KCNH8: variants seen among roughly 807,000 people sequenced by gnomAD.
The protein encoded by KCNH8 is potassium voltage-gated channel subfamily H member 8, also known as voltage-gated delayed rectifier potassium channel KCNH8.
KCNH8 carries 70 observed loss-of-function variants against 103.6 expected under a neutral mutation model. The observed-to-expected ratio is 0.68, with a 90% CI of 0.56 to 0.82. The LOEUF (loss-of-function observed/expected upper bound fraction) is 0.82. Ranked by LOEUF, KCNH8 falls within the 40% of genes least tolerant of loss-of-function variation. The pLI, the probability that KCNH8 is intolerant of heterozygous loss-of-function variation, is 0.00. For synonymous variants in KCNH8, 498 were observed against 489.4 expected, an observed-to-expected ratio of 1.02 and a Z score of -0.23; for missense variants, 1,217 against 1,329.9, an observed-to-expected ratio of 0.92 and a Z score of 1.32.
chr3:19,272,484 G>A (rs909378246), intron 2 of KCNH8, among the ~76,000 whole-genome samples: 1 of 152,052 alleles, frequency 6.6e-6, no homozygotes, highest in Non-Finnish European at 1.5e-5. Context: ...CAATGATTGA[G>A]TGAGGCAGGG....
chr3:19,279,108 C>T (rs534769620), intron 2 of KCNH8, among the ~76,000 whole-genome samples: 2 of 152,226 alleles, frequency 1.3e-5, no homozygotes, highest in South Asian at 4.1e-4. Context: ...TTTGTGTCCC[C>T]ACTATTACTT....
intron 13 of KCNH8, among the ~76,000 whole-genome samples, chr3:19,513,718 T>C (rs759706534): frequency 6.6e-6 from 1 of 152,150 alleles, no homozygotes; most frequent in Non-Finnish European, 1.5e-5. Flanking sequence ...GAGTTGAAAT[T>C]AGGAAGAAAA....
chr3:19,504,149 TTGGA>T (rs1409878468), intron 11 of KCNH8, among the ~76,000 whole-genome samples: 9 of 152,186 alleles, frequency 5.9e-5, no homozygotes, highest in South Asian at 4.1e-4. Flanking sequence ...ATGCAGAAGA[TTGGA>T]ACTGGACCCC....
intron 8 of KCNH8, among the ~76,000 whole-genome samples, chr3:19,446,069 CATT>C (rs780672521): frequency 5.9e-5 from 9 of 151,968 alleles, no homozygotes; most frequent in Non-Finnish European, 8.8e-5. Context: ...TACACAGTCT[CATT>C]ATCAAAAAAT....
chr3:19,531,515 G>C (rs2069160681), intron 15 of KCNH8, among the ~76,000 whole-genome samples: 1 of 152,218 alleles, frequency 6.6e-6, no homozygotes, highest in South Asian at 2.1e-4. Flanking sequence ...GCCTGGACAA[G>C]TATTCAGTTG....
At chr3:19,255,791 A>G (rs2064338792) in intron 2 of KCNH8, among the ~76,000 whole-genome samples, 1 of 152,168 alleles carries the variant, frequency 6.6e-6, no homozygotes, top group Non-Finnish European at 1.5e-5. Flanking sequence ...ACAATATTAC[A>G]ATGATGTTTA....
At chr3:19,315,185 G>A (rs2065257394) in intron 3 of KCNH8, among the ~76,000 whole-genome samples, 1 of 151,874 alleles carries the variant, frequency 6.6e-6, no homozygotes, top group East Asian at 1.9e-4. Context: ...CTTGAAACTG[G>A]GGAGTGAAGT....
chr3:19,246,759 T>C (rs2064211902), intron 1 of KCNH8, among the ~76,000 whole-genome samples: 1 of 152,170 alleles, frequency 6.6e-6, no homozygotes, highest in East Asian at 1.9e-4. Flanking sequence ...TCTCAAACTT[T>C]AATGTGTATA....
At position 19,502,548 on chromosome 3, in the gene KCNH8, T is replaced by C. The variant is rs535521436; in HGVS notation, c.2041-7815T>C. Among the ~76,000 whole-genome samples the C allele has an allele frequency of 1.1e-3, 174 of 152,176 alleles. No individual in the cohort carries two copies. The Middle Eastern group carries it at 0.017, about 15-fold the overall frequency. On this transcript the variant is annotated intron_variant, in intron 11 of 15. Transcript: ENST00000328405. ...TACTACAAGGCTACAGTAACCAAAATAGCATGATACTGGTACCAAAACAGA... is the reference window on the plus strand; with the variant it reads ...TACTACAAGGCTACAGTAACCAAAACAGCATGATACTGGTACCAAAACAGA...
intron 3 of KCNH8, among the ~76,000 whole-genome samples, chr3:19,323,124 CCTTT>C (rs1345150313): frequency 6.6e-6 from 1 of 152,000 alleles, no homozygotes; most frequent in South Asian, 2.1e-4. Flanking sequence ...TTGGATTTTA[CCTTT>C]CTTTGGTGCG....
At chr3:19,485,605 C>G (rs2068188927) in intron 11 of KCNH8, among the ~76,000 whole-genome samples, 1 of 152,216 alleles carries the variant, frequency 6.6e-6, no homozygotes, top group South Asian at 2.1e-4. Flanking sequence ...GATCTATCCT[C>G]CTTTTATTAC....
intron 11 of KCNH8, among the ~76,000 whole-genome samples, chr3:19,481,448 T>C (rs930031456): frequency 1.3e-5 from 2 of 152,102 alleles, no homozygotes; most frequent in Admixed American, 6.6e-5. Flanking sequence ...AAGTTCTTCA[T>C]GTTGTGTAAA....
At chr3:19,191,363 T>C (rs955159330) in intron 1 of KCNH8, among the ~76,000 whole-genome samples, 1 of 151,822 alleles carries the variant, frequency 6.6e-6, no homozygotes, top group Non-Finnish European at 1.5e-5. Flanking sequence ...GTTAATATGA[T>C]GAACAAAAAG....
chr3:19,488,415 G>A (rs1351583637), intron 11 of KCNH8, among the ~76,000 whole-genome samples: 1 of 152,114 alleles, frequency 6.6e-6, no homozygotes, highest in Non-Finnish European at 1.5e-5. Flanking sequence ...TCCAGTAATG[G>A]CGAGGTATTC....
At chr3:19,458,249 T>TA (rs1315237802) in intron 11 of KCNH8, among the ~76,000 whole-genome samples, 2 of 151,824 alleles carry the variant, frequency 1.3e-5, no homozygotes, top group African/African-American at 2.4e-5. Flanking sequence ...TCATGTCTTT[T>TA]AAAAAAAATC....
rs149673924 is a variant in KCNH8 at position 19,324,087 on chromosome 3, C to T, written c.443-18500C>T. Among the ~76,000 whole-genome samples the T allele has an allele frequency of 2.0e-4, 30 of 152,138 alleles. No individual in the cohort carries two copies. The East Asian group carries it at 2.5e-3, about 13-fold the overall frequency. On this transcript the variant is annotated intron_variant, in intron 3 of 15. Coordinates refer to ENST00000328405, the MANE Select transcript of KCNH8 (RefSeq NM_144633.3). Reference sequence around the variant, plus strand: ...CCCAAGAGATTATGTCATTTGTCTTCGGCTACCAGGGTGGGTAGAGAAAGG... The same window carrying T: ...CCCAAGAGATTATGTCATTTGTCTTTGGCTACCAGGGTGGGTAGAGAAAGG...
At chr3:19,177,360 G>A (rs1464217268) in intron 1 of KCNH8, among the ~76,000 whole-genome samples, 1 of 151,992 alleles carries the variant, frequency 6.6e-6, no homozygotes, top group Non-Finnish European at 1.5e-5. Context: ...TTAATGAGTA[G>A]CCAAATTCAC....
In KCNH8 at chr3:19,504,340, G is replaced by A. The variant is rs539143435; in HGVS notation, c.2041-6023G>A. ...CAACAAAAGCAAAAATTAATGAGTG[G>A]GATCTAATTAAAGTAAAAAGCTTCT... On this transcript the variant is annotated intron_variant, in intron 11 of 15. Coordinates refer to ENST00000328405, the MANE Select transcript of KCNH8 (RefSeq NM_144633.3). Among the ~76,000 whole-genome samples the A allele has an allele frequency of 9.2e-5, 14 of 152,056 alleles. No homozygotes were observed. In the East Asian group the frequency reaches 2.7e-3, roughly 29 times the overall value.
At chr3:19,216,755 T>C (rs1377644232) in intron 1 of KCNH8, among the ~76,000 whole-genome samples, 1 of 152,224 alleles carries the variant, frequency 6.6e-6, no homozygotes, top group East Asian at 1.9e-4. Flanking sequence ...TTTTATGTTC[T>C]CTTCAGTTTT....
Sources: allele counts gnomAD v4.1 joint callset (sites outside exome capture counted in the v4.1 genomes callset), GRCh38; gene constraint gnomAD v4.1.1; transcripts MANE v1.5; gene names NCBI Gene and HGNC (gene_info 2026-07-23, HGNC 2026-07-21).